PHLDB1: variants seen among roughly 807,000 people sequenced by gnomAD.
The protein encoded by PHLDB1 is pleckstrin homology like domain family B member 1.
In PHLDB1, 65 loss-of-function variants were observed where a neutral mutation model predicts 139.3. The observed-to-expected ratio is 0.47, with a 90% confidence interval of 0.38 to 0.57. The LOEUF (loss-of-function observed/expected upper bound fraction) is 0.57. Ranked by LOEUF, PHLDB1 falls within the 20% of genes least tolerant of loss-of-function variation. PHLDB1 has a pLI of 0.00. For missense variants in PHLDB1, 1,624 were observed against 1,839.7 expected, an observed-to-expected ratio of 0.88 and a Z score of 2.14; for synonymous variants, 679 against 734.5, an observed-to-expected ratio of 0.92 and a Z score of 1.22.
In PHLDB1 at chr11:118,657,383, T is replaced by C. The variant is rs988589833; in HGVS notation, c.*560T>C. ...TCACCATGGTTACCATAGTGACTGCTTCATTGCCATGGTTACATACTAATT... is the reference window on the plus strand; with the variant it reads ...TCACCATGGTTACCATAGTGACTGCCTCATTGCCATGGTTACATACTAATT... On this transcript the variant is annotated 3_prime_UTR_variant, in exon 23 of 23. Coordinates refer to ENST00000600882, the MANE Select transcript of PHLDB1 (RefSeq NM_001144758.3). 2 of 153,650 alleles carry C rather than the reference T, an allele frequency of 1.3e-5. No homozygotes were observed. The highest frequency in any genetic ancestry group is 1.5e-5 in the Non-Finnish European group (1 of 68,788). 9.5% of individuals were successfully genotyped at this position (153,650 alleles called of 1,614,324 possible). A position where few individuals can be genotyped will look rare whatever the true frequency, so the allele number is the denominator to read the frequency against.
intron 6 of PHLDB1, chr11:118,629,927 G>A (rs575975907): frequency 1.9e-6 from 2 of 1,039,668 alleles, no homozygotes; most frequent in Admixed American, 2.7e-5. Context: ...CTTGGAGGCT[G>A]CCCGCCCTGC....
At chr11:118,618,447 G>A (rs1236219385) in intron 4 of PHLDB1, among the ~76,000 whole-genome samples, 1 of 152,084 alleles carries the variant, frequency 6.6e-6, no homozygotes, top group East Asian at 1.9e-4. Context: ...TGGGTGGCTC[G>A]GGGGTGCATG....
chr11:118,649,177 T>C (rs1191150891), intron 18 of PHLDB1, among the ~76,000 whole-genome samples: 1 of 151,924 alleles, frequency 6.6e-6, no homozygotes, highest in Non-Finnish European at 1.5e-5. Flanking sequence ...CTTACTCTGA[T>C]GGCTGAGGCA....
chr11:118,651,229 C>T (rs1948296251), intron 20 of PHLDB1: 2 of 152,324 alleles, frequency 1.3e-5, no homozygotes, highest in African/African-American at 2.4e-5. Flanking sequence ...GTGGCTCACA[C>T]CTGTGATCCC....
In PHLDB1 at chr11:118,623,529, G is replaced by A. The variant is rs1943229308; in HGVS notation, c.356-1405G>A. On this transcript the variant is annotated intron_variant, in intron 4 of 22. Transcript: ENST00000600882. ...ACTGCCTGGGAATGTGCTTGGCTGAGGCCGGGCCTGGTGGCCTAGTCTTGG... is the reference window on the plus strand; with the variant it reads ...ACTGCCTGGGAATGTGCTTGGCTGAAGCCGGGCCTGGTGGCCTAGTCTTGG... Among the ~76,000 whole-genome samples the A allele has an allele frequency of 2.0e-5, 3 of 152,260 alleles. No homozygotes were observed. The South Asian group carries it at 6.2e-4, about 31-fold the overall frequency.
intron 20 of PHLDB1, chr11:118,654,718 T>TTC (rs1948800856): frequency 6.9e-6 from 1 of 145,040 alleles, no homozygotes; most frequent in African/African-American, 2.5e-5. Flanking sequence ...TTTCTCTTTT[T>TTC]TTTTTTTTTT....
chr11:118,613,589 C>T, intron 1 of PHLDB1: 1 of 644,990 alleles, frequency 1.6e-6, no homozygotes, highest in African/African-American at 1.9e-5. Context: ...CTTACAGTGG[C>T]AGGGGGCAGG....
intron 1 of PHLDB1, among the ~76,000 whole-genome samples, chr11:118,609,451 TCACACAGCCCCAGC>T (rs1939746557): frequency 9.7e-6 from 1 of 102,824 alleles, no homozygotes; most frequent in African/African-American, 4.0e-5. Context: ...ACGCAGCCCG[TCACACAGCCCCAGC>T]CACACACACA....
rs1944071452 is a variant in PHLDB1 at position 118,627,429 on chromosome 11, C to G, written c.606C>G (p.Asp202Glu). The change falls in exon 6 of 23, where the codon GAC becomes GAG. Residue 202 changes from aspartate to glutamate, a missense_variant. Coordinates refer to ENST00000600882, the MANE Select transcript of PHLDB1 (RefSeq NM_001144758.3). ...AGAAGGACCTGCAAGAGATCATGGA[C>G]TCACTGGTGCTAGAGGAGCCTGGAG... ...SIEKDLQEIM[D>E]SLVLEEPGAA... The G allele has an allele frequency of 6.2e-7, 1 of 1,614,088 alleles. No homozygotes were observed. The highest frequency in any genetic ancestry group is 1.3e-5 in the African/African-American group (1 of 74,934).
At chr11:118,633,898 T>C (rs1220927687) in intron 9 of PHLDB1, 1 of 152,264 alleles carries the variant, frequency 6.6e-6, no homozygotes, top group Non-Finnish European at 1.5e-5. Context: ...CATTTCCCAC[T>C]GACCTGGAGT....
chr11:118,634,733 G>A, intron 9 of PHLDB1: 1 of 216,384 alleles, frequency 4.6e-6, no homozygotes, highest in East Asian at 1.5e-4. Context: ...CTTTCTCCTC[G>A]CCTGGTTATT....
rs1945036977 is a variant in PHLDB1, at chr11:118,632,977, A to G, written c.2379+681A>G. The G allele has an allele frequency of 2.8e-6, 1 of 359,954 alleles. No individual in the cohort carries two copies. The highest frequency in any genetic ancestry group is 2.3e-5 in the African/African-American group (1 of 44,354). The allele number at this position is 359,954 out of a possible 1,614,324, so 22.3% of individuals were successfully genotyped here. A position where few individuals can be genotyped will look rare whatever the true frequency, so the allele number is the denominator to read the frequency against. ...CCTGCCCTCAATTTTGAGAATCTTAAAAATTCTTTGACCCTTTTTTTTTTT... is the reference window on the plus strand; with the variant it reads ...CCTGCCCTCAATTTTGAGAATCTTAGAAATTCTTTGACCCTTTTTTTTTTT... On this transcript the variant is annotated intron_variant, in intron 9 of 22. Transcript: ENST00000600882. The surrounding 1 kb of genome is among the most constrained non-coding windows in gnomAD (Gnocchi z 5.9).
Position 118,610,232 on chromosome 11 carries a change from G to A in PHLDB1, c.-22+2533G>A, listed in dbSNP as rs1184144967. ...CTTTCATTTTCCCCTTCACATCCCG[G>A]TGGCTCCCCTTCCCCGCCCCGTCCC... On this transcript the variant is annotated intron_variant, in intron 1 of 22. Transcript: ENST00000600882. This position sits in a 1 kb window ranked among gnomAD's most constrained non-coding sequence, Gnocchi z 8.7. Among the ~76,000 whole-genome samples, 1 of 151,394 alleles carries A rather than the reference G, an allele frequency of 6.6e-6. No individual in the cohort carries two copies. The highest frequency in any genetic ancestry group is 1.5e-5 in the Non-Finnish European group (1 of 67,866).
At position 118,611,699 on chromosome 11, in the gene PHLDB1, T is replaced by C. The variant is rs1046953077; in HGVS notation, c.-21-2117T>C. On this transcript the variant is annotated intron_variant, in intron 1 of 22. Coordinates refer to ENST00000600882, the MANE Select transcript of PHLDB1 (RefSeq NM_001144758.3). This position sits in a 1 kb window ranked among gnomAD's most constrained non-coding sequence, Gnocchi z 4.7. The stretch of plus-strand genomic sequence containing the variant: ...GGAGAAACCCCGTCTCTACTAAAAA[T>C]ACAAAATTAGCTGGGCTTGGTGGCA... 3.3e-5 allele frequency among the ~76,000 whole-genome samples: 5 copies of C among 151,634 alleles called. No homozygotes were observed. Among genetic ancestry groups the C allele is most frequent in the Non-Finnish European group, 5.9e-5 (4 of 67,956 alleles).
At chr11:118,639,477 CTG>C (rs1193926582) in intron 12 of PHLDB1, 1 of 540,424 alleles carries the variant, frequency 1.9e-6, no homozygotes, top group Non-Finnish European at 3.3e-6. Context: ...ACAGATTTCA[CTG>C]TTTTTGGTGG....
chr11:118,655,973 A>C, intron 22 of PHLDB1, 81 bp downstream of exon 22: 2 of 1,022,792 alleles, frequency 2.0e-6, no homozygotes, highest in East Asian at 2.4e-5. Flanking sequence ...CCTCCCCTTC[A>C]TCCCCCTCCC....
In PHLDB1 at chr11:118,655,612, T is replaced by G. The variant is rs1555141140; in HGVS notation, c.3882T>G (p.His1294Gln). The change falls in exon 21 of 23, where the codon CAT (histidine) becomes CAG (glutamine). Residue 1294 changes from histidine (H) to glutamine (Q), a missense_variant. Physicochemically the swap from His to Gln is conservative, Grantham distance 24 (BLOSUM62 0). Transcript: ENST00000600882. Reference protein sequence around the residue: ...KRTLSYYVDKHETKLKGVIYF... With the variant: ...KRTLSYYVDKQETKLKGVIYF... Reference sequence around the variant, plus strand: ...CCCTTACTTGCTTTGCAGACAAGCATGAGACGAAGCTGAAGGGAGTCATCT... The same window carrying G: ...CCCTTACTTGCTTTGCAGACAAGCAGGAGACGAAGCTGAAGGGAGTCATCT... 1 of 1,610,890 alleles carries G rather than the reference T, an allele frequency of 6.2e-7. No individual in the cohort carries two copies. The highest frequency in any genetic ancestry group is 2.2e-5 in the East Asian group (1 of 44,834).
chr11:118,641,989 C>G (rs929709989), intron 12 of PHLDB1: 1 of 586,732 alleles, frequency 1.7e-6, no homozygotes, highest in African/African-American at 1.9e-5. Context: ...TTCTCTTTGC[C>G]CTTAGTACAT....
In PHLDB1 at chr11:118,641,464, G is replaced by A. The variant is rs567272887; in HGVS notation, c.2737-790G>A. On this transcript the variant is annotated intron_variant, in intron 12 of 22. Transcript: ENST00000600882. ...GGCACGCCTTCTGCTCTAGGATGAG[G>A]GTGTCGAGTTGAGAGGACTCTGGCT... 261 of 315,658 alleles carry A rather than the reference G, an allele frequency of 8.3e-4. No individual in the cohort carries two copies. In the Middle Eastern group the frequency reaches 0.012, roughly 15 times the overall value. 19.6% of individuals were successfully genotyped at this position (315,658 alleles called of 1,614,324 possible).
Sources: allele counts gnomAD v4.1 joint callset (sites outside exome capture counted in the v4.1 genomes callset), GRCh38; gene constraint gnomAD v4.1.1; non-coding constraint Gnocchi (gnomAD v3.1); transcripts MANE v1.5; gene names NCBI Gene and HGNC (gene_info 2026-07-23, HGNC 2026-07-21).